Variants in ING5 observed in about 807,000 individuals in gnomAD.
ING5 encodes inhibitor of growth family member 5.
In ING5, 17 loss-of-function variants were observed where a neutral mutation model predicts 37.4. That is an observed-to-expected ratio of 0.45 (90% CI 0.31 to 0.68). The LOEUF is 0.68. Ranked by LOEUF, ING5 falls within the 30% of genes least tolerant of loss-of-function variation. The pLI, the probability that ING5 is intolerant of heterozygous loss-of-function variation, is 0.05. For missense variants in ING5, 233 were observed against 311.9 expected (o/e 0.75, Z 1.91); for synonymous variants, 123 against 116.6 (o/e 1.06, Z -0.36).
rs1691617705 is a variant in ING5, at chr2:241,726,264, C to T, written c.*1233C>T. On this transcript the variant is annotated 3_prime_UTR_variant, in exon 8 of 8. Coordinates refer to ENST00000313552, the MANE Select transcript of ING5 (RefSeq NM_032329.6). ...TGAGGGAAAACTGAGACGTGAGGTT[C>T]CTGATTTAAGAAGCCTGGGTTTCTT... 1 of 152,170 alleles carries T rather than the reference C, an allele frequency of 6.6e-6. No individual in the cohort carries two copies. Among genetic ancestry groups the T allele is most frequent in the African/African-American group, 2.4e-5 (1 of 41,432 alleles). The allele number at this position is 152,170 out of a possible 1,614,324, so 9.4% of individuals were successfully genotyped here. A position where few individuals can be genotyped will look rare whatever the true frequency, so the allele number is the denominator to read the frequency against.
At chr2:241,702,300 G>A (rs2069762155) in intron 1 of ING5, among the ~76,000 whole-genome samples, 198 bp downstream of exon 1, 1 of 149,308 alleles carries the variant, frequency 6.7e-6, no homozygotes, top group Admixed American at 6.7e-5. Flanking sequence ...GGCGCGGGGG[G>A]TCCCGCCGGC....
upstream of ING5, among the ~76,000 whole-genome samples, chr2:241,697,808 C>T (rs780916788): frequency 3.9e-5 from 6 of 152,098 alleles, no homozygotes; most frequent in South Asian, 2.1e-4. Flanking sequence ...AGGCACTGGG[C>T]GTGGTGGCTC....
At chr2:241,720,397 G>A in intron 5 of ING5, 1 of 1,156,412 alleles carries the variant, frequency 8.6e-7, no homozygotes. Context: ...CCCTCTTCAG[G>A]CCTGTTCCCC....
chr2:241,719,965 G>C, intron 5 of ING5: 2 of 1,274,006 alleles, frequency 1.6e-6, no homozygotes, highest in East Asian at 3.0e-5. Context: ...TTTCTTCTCT[G>C]TGCCCCCAAG....
exon 1 of ING5, chr2:241,687,558 C>G: frequency 2.6e-6 from 1 of 380,866 alleles, no homozygotes; most frequent in Non-Finnish European, 4.6e-6. Context: ...GACAGAGTCT[C>G]GCTCTGTCAC....
upstream of ING5, chr2:241,687,057 C>A: frequency 2.4e-6 from 1 of 417,962 alleles, no homozygotes; most frequent in Non-Finnish European, 4.1e-6. Context: ...GCGAGCAGGG[C>A]CCTTCGCTCC....
chr2:241,711,621 C>G (rs1441960775), intron 4 of ING5, 133 bp downstream of exon 4: 8 of 713,510 alleles, frequency 1.1e-5, no homozygotes, highest in Non-Finnish European at 1.6e-5. Flanking sequence ...GTCTTGCAGG[C>G]TGGGTGTGGT....
chr2:241,715,804 T>C (rs1227421837), intron 5 of ING5, among the ~76,000 whole-genome samples: 2 of 150,806 alleles, frequency 1.3e-5, no homozygotes, highest in Non-Finnish European at 2.9e-5. Flanking sequence ...TTTTTTTTCA[T>C]GCTACTTCTT....
intron 3 of ING5, among the ~76,000 whole-genome samples, chr2:241,710,864 C>T (rs989630723): frequency 2.0e-5 from 3 of 152,134 alleles, no homozygotes; most frequent in East Asian, 1.9e-4. Context: ...CCACCTGCCT[C>T]GGTCTCCCAG....
intron 5 of ING5, among the ~76,000 whole-genome samples, chr2:241,713,841 C>T (rs1050309210): frequency 1.4e-4 from 21 of 151,956 alleles, no homozygotes; most frequent in Admixed American, 1.4e-3. Flanking sequence ...ATGCAAAATA[C>T]TTAGCTGAGT....
At chr2:241,700,195 C>A (rs530244349), upstream of ING5, among the ~76,000 whole-genome samples, 1 of 128,804 alleles carries the variant, frequency 7.8e-6, no homozygotes, top group South Asian at 2.5e-4. Context: ...GTTGCTCTGT[C>A]GCCCAGGCTG....
At chr2:241,723,186 G>A (rs1201189990) in intron 6 of ING5, 24 bp from the exon 7 acceptor site, 11 of 1,614,054 alleles carry the variant, frequency 6.8e-6, no homozygotes, top group African/African-American at 2.7e-5. Context: ...CGTGTTGACT[G>A]CGGTTTCTCC....
At chr2:241,691,896 C>T (rs1231655688) in intron 2 of ING5, among the ~76,000 whole-genome samples, 3 of 151,994 alleles carry the variant, frequency 2.0e-5, no homozygotes, top group East Asian at 3.9e-4. Flanking sequence ...ATTTATTTAT[C>T]TCTACAAAAT....
intron 5 of ING5, among the ~76,000 whole-genome samples, chr2:241,718,417 G>T (rs1575137313): frequency 3.3e-4 from 21 of 63,504 alleles, no homozygotes; most frequent in South Asian, 1.2e-3. Flanking sequence ...TTCTCTTTCT[G>T]TCTTTTTTTT....
Position 241,712,117 on chromosome 2 carries a change from G to T in ING5, c.482+46G>T, listed in dbSNP as rs1306717473. On this transcript the variant is annotated intron_variant, in intron 5 of 7. Transcript: ENST00000313552. ...TTTCCCAAAAGAACGAATACCCATAGCCTGTATCCCGGATGTAGGAACACT... is the reference window on the plus strand; with the variant it reads ...TTTCCCAAAAGAACGAATACCCATATCCTGTATCCCGGATGTAGGAACACT... 3 of 1,423,918 alleles carry T rather than the reference G, an allele frequency of 2.1e-6. No homozygotes were observed. The Admixed American group carries it at 6.9e-5, about 33-fold the overall frequency. 88.2% of individuals were successfully genotyped at this position (1,423,918 alleles called of 1,614,324 possible). A position where few individuals can be genotyped will look rare whatever the true frequency, so the allele number is the denominator to read the frequency against.
Position 241,693,919 on chromosome 2 carries a change from A to G in ING5, c.43+3266A>G, listed in dbSNP as rs527554955. ...GGTGATCCACCCGCCTTGGCCTCCTAAATTGCTGGGATTACAGGCATGAGC... is the reference window on the plus strand; with the variant it reads ...GGTGATCCACCCGCCTTGGCCTCCTGAATTGCTGGGATTACAGGCATGAGC... On this transcript the variant is annotated intron_variant, in intron 2 of 7. Transcript: ENST00000636051. 1.0e-3 allele frequency among the ~76,000 whole-genome samples: 157 copies of G among 150,890 alleles called. 1 individual carries two copies. The highest frequency in any genetic ancestry group is 3.6e-3 in the African/African-American group (149 of 41,238).
chr2:241,724,699 A>C, intron 7 of ING5: 13 of 461,150 alleles, frequency 2.8e-5, no homozygotes, highest in East Asian at 7.9e-5. Context: ...CGACCCTGCC[A>C]TCGGCCGGGG....
Position 241,727,874 on chromosome 2 carries a change from TG to T in ING5, c.*2845del, listed in dbSNP as rs1314223195. ...TCGCTGCTTTTTGGGGAAAGATGAC[TG>T]GCTTCCCTGTGGGACGCTTTTGTCT... On this transcript the variant is annotated 3_prime_UTR_variant, in exon 8 of 8. Transcript: ENST00000313552. 6.6e-6 allele frequency: 1 copy of T among 152,276 alleles called. No homozygotes were observed. Among genetic ancestry groups the T allele is most frequent in the African/African-American group, 2.4e-5 (1 of 41,452 alleles). The allele number at this position is 152,276 out of a possible 1,614,324, so 9.4% of individuals were successfully genotyped here.
Position 241,723,377 on chromosome 2 carries a change from G to A in ING5, c.680+106G>A, listed in dbSNP as rs369590800. On this transcript the variant is annotated intron_variant, in intron 7 of 7. Transcript: ENST00000313552. ...ATGGCAGAATCTTGCCGGGCTTAGC[G>A]GGACACGGTAGCCACGTAGGCATGC... 543 of 1,257,154 alleles carry A rather than the reference G, an allele frequency of 4.3e-4. 8 individuals are homozygous for A. In the East Asian group the frequency reaches 7.7e-3, roughly 18 times the overall value. The allele number at this position is 1,257,154 out of a possible 1,614,324, so 77.9% of individuals were successfully genotyped here.
Sources: gnomAD v4.1 joint callset for allele counts (sites outside exome capture counted in the v4.1 genomes callset) on GRCh38, gnomAD v4.1.1 for gene constraint, MANE v1.5 for transcripts, NCBI Gene and HGNC (gene_info 2026-07-23, HGNC 2026-07-21) for gene names.